HDC: variants seen among roughly 807,000 people sequenced by gnomAD.
The protein encoded by HDC is histidine decarboxylase.
A neutral mutation model predicts 64.4 loss-of-function variants in HDC; 27 were observed. The ratio of observed to expected loss-of-function variants is 0.42; its 90% CI spans 0.31 to 0.58. HDC has a LOEUF of 0.58. Ranked by LOEUF, HDC falls within the 20% of genes least tolerant of loss-of-function variation. HDC has a pLI of 0.16. For missense variants in HDC, 711 were observed against 833.9 expected, an observed-to-expected ratio of 0.85 and a Z score of 1.81; for synonymous variants, 305 against 314.2, an observed-to-expected ratio of 0.97 and a Z score of 0.31.
At chr15:50,243,965 G>C (rs902555859) in intron 10 of HDC, among the ~76,000 whole-genome samples, 2 of 152,198 alleles carry the variant, frequency 1.3e-5, no homozygotes, top group African/African-American at 2.4e-5. Flanking sequence ...CCACTGAATT[G>C]TACACTTAAA....
Position 50,243,183 on chromosome 15 carries a change from G to A in HDC, c.1202C>T (p.Pro401Leu), listed in dbSNP as rs1276530494. The change falls in exon 11 of 12, where the codon CCT becomes CTT. Residue 401 changes from proline to leucine, a missense_variant. Physicochemically the swap from Pro to Leu is moderately conservative, Grantham distance 98. This residue lies in a region of HDC where 483 missense variants were observed against 540.9 expected (regional missense o/e 0.89). Coordinates refer to ENST00000267845, the MANE Select transcript of HDC (RefSeq NM_002112.4). Reference sequence around the variant, plus strand: ...CACCAGGCCAAGGTGCCTCTTGGCAGGAATTTCAAAGGAAGGGTCGTTTCT... The same window carrying A: ...CACCAGGCCAAGGTGCCTCTTGGCAAGAATTTCAAAGGAAGGGTCGTTTCT... ...LVRNDPSFEI[P>L]AKRHLGLVVF... 1.9e-6 allele frequency: 3 copies of A among 1,613,920 alleles called. No homozygotes were observed. Among genetic ancestry groups the A allele is most frequent in the Non-Finnish European group, 2.5e-6 (3 of 1,179,936 alleles).
intron 7 of HDC, chr15:50,253,006 C>T: frequency 1.7e-6 from 1 of 578,188 alleles, no homozygotes; most frequent in Non-Finnish European, 3.1e-6. Flanking sequence ...CCTTTTTCTT[C>T]CACTGGGTAA....
chr15:50,251,963 T>C (rs762749355), intron 9 of HDC, among the ~76,000 whole-genome samples: 2 of 152,194 alleles, frequency 1.3e-5, no homozygotes, highest in South Asian at 2.1e-4. Flanking sequence ...ACACAAGTCC[T>C]GCAGCCCATC....
intron 2 of HDC, 89 bp downstream of exon 2, chr15:50,263,146 G>A: frequency 1.5e-6 from 2 of 1,372,298 alleles, no homozygotes; most frequent in South Asian, 1.2e-5. Flanking sequence ...CTCATCCCAA[G>A]CTGACCCAAA....
At chr15:50,254,432 A>G (rs1169377451) in intron 5 of HDC, 98 bp downstream of exon 5, 2 of 1,554,196 alleles carry the variant, frequency 1.3e-6, no homozygotes, top group African/African-American at 1.4e-5. Flanking sequence ...GCTGCTCAGA[A>G]CCCCAGCGTA....
rs142718396 is a variant in HDC, at chr15:50,242,507, G to T, written c.1742C>A (p.Thr581Lys). 4 of 1,614,162 alleles carry T rather than the reference G, an allele frequency of 2.5e-6. No homozygotes were observed. The highest frequency in any genetic ancestry group is 3.4e-6 in the Non-Finnish European group (4 of 1,180,022). The change falls in exon 12 of 12, where the codon ACG becomes AAG. Residue 581 changes from threonine to lysine, a missense_variant. By Grantham distance (78) the Thr-to-Lys change is moderately conservative. Transcript: ENST00000267845. ...SYLSVQTKKKTVRSLSCNSVP... is the reference protein window; with the variant it reads ...SYLSVQTKKKKVRSLSCNSVP... Reference sequence around the variant, plus strand: ...ACTGTTGCAACTGAGGGAGCGCACCGTCTTCTTCTTAGTCTGCACAGACAA... The same window carrying T: ...ACTGTTGCAACTGAGGGAGCGCACCTTCTTCTTCTTAGTCTGCACAGACAA...
chr15:50,265,442 C>T (rs1177550115), intron 1 of HDC, 151 bp downstream of exon 1: 8 of 729,406 alleles, frequency 1.1e-5, no homozygotes, highest in African/African-American at 7.0e-5. Context: ...ACATTCCTTT[C>T]GCAGAAAAAA....
intron 9 of HDC, among the ~76,000 whole-genome samples, chr15:50,249,163 C>T (rs1282476670): frequency 6.6e-6 from 1 of 152,170 alleles, no homozygotes; most frequent in East Asian, 1.9e-4. Context: ...ACTCTTTGCT[C>T]CTGGTGGCCA....
chr15:50,242,104 T>A lies in HDC; in HGVS notation c.*156A>T. 1.4e-6 allele frequency: 1 copy of A among 725,436 alleles called. No individual in the cohort carries two copies. The highest frequency in any genetic ancestry group is 2.4e-6 in the Non-Finnish European group (1 of 411,306). 44.9% of individuals were successfully genotyped at this position (725,436 alleles called of 1,614,324 possible). On this transcript the variant is annotated 3_prime_UTR_variant, in exon 12 of 12. Coordinates refer to ENST00000267845, the MANE Select transcript of HDC (RefSeq NM_002112.4). ...CTTAAACTCTTCGTTTGTATCCTAT[T>A]GTGGGTCATGAACCCCTATGAGAAT...
intron 10 of HDC, 25 bp from the exon 11 acceptor site, chr15:50,243,269 C>T: frequency 7.1e-7 from 1 of 1,412,666 alleles, no homozygotes; most frequent in Non-Finnish European, 1.0e-6. Context: ...ATAAAGAGAA[C>T]TGAGATTAAT....
rs375479150 is a variant in HDC at position 50,263,373 on chromosome 15, C to T, written c.66G>A (p.Leu22=). 8.5e-5 allele frequency: 137 copies of T among 1,614,040 alleles called. No individual in the cohort carries two copies. Among genetic ancestry groups the T allele is most frequent in the Non-Finnish European group, 1.1e-4 (133 of 1,180,030 alleles). ...REMVDYICQY[L]STVRERRVTP... is the part of the protein sequence containing the mutation. ...TCACACGTCTCTCCCGCACAGTGCT[C>T]AGGTACTGGCAGATGTAATCCACCA... is the stretch of plus-strand genomic sequence containing the variant. Residue 22 remains leucine, a synonymous_variant, in exon 2 of 12, where the codon CTG becomes CTA. Transcript: ENST00000267845.
At position 50,243,150 on chromosome 15, in the gene HDC, C is replaced by T. The variant is rs764847892; in HGVS notation, c.1235G>A (p.Arg412His). The T allele has an allele frequency of 2.7e-5, 44 of 1,613,278 alleles. No homozygotes were observed. The highest frequency in any genetic ancestry group is 1.6e-4 in the Middle Eastern group (1 of 6,082). ...AKRHLGLVVF[R>H]LKGPNCLTEN... Reference sequence around the variant, plus strand: ...CTTGGAAGATGGTATTACCTTTAGACGAAAAACCACCAGGCCAAGGTGCCT... The same window carrying T: ...CTTGGAAGATGGTATTACCTTTAGATGAAAAACCACCAGGCCAAGGTGCCT... The change falls in exon 11 of 12, where the codon CGT becomes CAT. Residue 412 changes from arginine (R) to histidine (H), a missense_variant. Arg to His is a conservative substitution (Grantham distance 29). Coordinates refer to ENST00000267845, the MANE Select transcript of HDC (RefSeq NM_002112.4).
intron 2 of HDC, among the ~76,000 whole-genome samples, chr15:50,262,930 TC>T (rs141621487): frequency 0.074 from 11,229 of 152,130 alleles, 612 homozygotes; most frequent in Non-Finnish European, 0.11. Flanking sequence ...TCTCCACCCA[TC>T]CCATTAGACT....
chr15:50,248,387 G>T lies in HDC; in HGVS notation c.1042-44C>A. On this transcript the variant is annotated intron_variant, in intron 9 of 11. Coordinates refer to ENST00000267845, the MANE Select transcript of HDC (RefSeq NM_002112.4). The surrounding 1 kb of genome is among the most constrained non-coding windows in gnomAD (Gnocchi z 4.3). ...AGTGCCCAAGGTTAGAGACAAGGGT[G>T]CCCCACTCCCTCGGGCATTTCTGGG... is the stretch of plus-strand genomic sequence containing the variant. The T allele has an allele frequency of 1.4e-6, 2 of 1,392,432 alleles. No individual in the cohort carries two copies. Among genetic ancestry groups the T allele is most frequent in the Non-Finnish European group, 1.0e-6 (1 of 980,148 alleles). 86.3% of individuals were successfully genotyped at this position (1,392,432 alleles called of 1,614,324 possible).
At chr15:50,262,067 GC>G (rs1288426360) in intron 2 of HDC, among the ~76,000 whole-genome samples, 3 of 152,026 alleles carry the variant, frequency 2.0e-5, no homozygotes, top group African/African-American at 7.2e-5. Context: ...CCTCAAGCTG[GC>G]CTCAGGAAGA....
At chr15:50,246,660 C>T (rs543502510) in intron 10 of HDC, among the ~76,000 whole-genome samples, 43 of 152,202 alleles carry the variant, frequency 2.8e-4, no homozygotes, top group African/African-American at 1.0e-3. Flanking sequence ...AATGGGGTTG[C>T]TAATAGGAGG....
At chr15:50,264,184 A>AT (rs1003474349) in intron 1 of HDC, among the ~76,000 whole-genome samples, 2 of 152,154 alleles carry the variant, frequency 1.3e-5, no homozygotes, top group Admixed American at 6.5e-5. Context: ...AAAAAAATCT[A>AT]TTTTTTCACC....
rs747771158 is a variant in HDC, at chr15:50,252,699, C to A, written c.863G>T (p.Gly288Val). The change falls in exon 8 of 12, where the codon GGG (glycine) becomes GTG (valine). Residue 288 changes from glycine (G) to valine (V), a missense_variant. Transcript: ENST00000267845. ...GGCATACTCAATCCCCTTCAGAAAC[C>A]CCCGGAACTCGGGGCACAGGAAGGC... ...GTAFLCPEFR[G>V]FLKGIEYADS... is the part of the protein sequence containing the mutation. The A allele has an allele frequency of 6.2e-7, 1 of 1,614,082 alleles. No homozygotes were observed. Among genetic ancestry groups the A allele is most frequent in the Non-Finnish European group, 8.5e-7 (1 of 1,180,022 alleles).
At chr15:50,254,099 A>G in intron 6 of HDC, 31 bp downstream of exon 6, 1 of 1,613,332 alleles carries the variant, frequency 6.2e-7, no homozygotes, top group Non-Finnish European at 8.5e-7. Flanking sequence ...AAGTTCTATC[A>G]TTCTAAGCTT....
Sources: allele counts gnomAD v4.1 joint callset (sites outside exome capture counted in the v4.1 genomes callset), GRCh38; gene constraint gnomAD v4.1.1; regional missense constraint gnomAD v4.1.1; non-coding constraint Gnocchi (gnomAD v3.1); transcripts MANE v1.5; gene names NCBI Gene and HGNC (gene_info 2026-07-23, HGNC 2026-07-21).